ATP2C1: variants seen among roughly 807,000 people sequenced by gnomAD.
ATP2C1 encodes the protein calcium-transporting ATPase type 2C member 1.
ATP2C1 carries 31 observed loss-of-function variants against 120.5 expected under a neutral mutation model. That is an observed-to-expected ratio of 0.26 (90% CI 0.19 to 0.35). ATP2C1 has a LOEUF of 0.35. Among genes scored for constraint, ATP2C1 ranks in the 10% least tolerant of loss-of-function variants. The probability of loss-of-function intolerance (pLI) is 1.00; values close to 1 mark genes in which losing one functional copy is unlikely to be tolerated. For synonymous variants in ATP2C1, 351 were observed against 358.7 expected (o/e 0.98, Z 0.24); for missense variants, 731 against 1,107.5 (o/e 0.66, Z 4.83).
chr3:131,014,178 C>G (rs1238099640), intron 26 of ATP2C1: 4 of 1,613,612 alleles, frequency 2.5e-6, no homozygotes, highest in Non-Finnish European at 3.4e-6. Context: ...GTTCTTAGAA[C>G]AGCTGGTATT....
chr3:130,925,031 T>C (rs542642921), intron 2 of ATP2C1, among the ~76,000 whole-genome samples: 1 of 152,214 alleles, frequency 6.6e-6, no homozygotes, highest in African/African-American at 2.4e-5. Context: ...TGGTGCCTCC[T>C]TTGATTAGCT....
intron 16 of ATP2C1, among the ~76,000 whole-genome samples, chr3:130,967,881 T>C (rs1374382270): frequency 2.6e-5 from 4 of 152,220 alleles, no homozygotes; most frequent in Non-Finnish European, 5.9e-5. Flanking sequence ...ATTGTGAAGT[T>C]ATAATTTGTT....
chr3:130,865,033 C>T (rs535411251), intron 1 of ATP2C1, among the ~76,000 whole-genome samples: 21 of 152,172 alleles, frequency 1.4e-4, no homozygotes, highest in Middle Eastern at 3.4e-3. Context: ...CTAGAAAAGC[C>T]GCAGACACTC....
At chr3:130,986,979 G>A (rs1221448472) in intron 20 of ATP2C1, among the ~76,000 whole-genome samples, 3 of 151,386 alleles carry the variant, frequency 2.0e-5, no homozygotes, top group African/African-American at 7.3e-5. Context: ...TTGCTTTATT[G>A]CCCAGACTGG....
intron 2 of ATP2C1, among the ~76,000 whole-genome samples, chr3:130,926,015 C>T (rs1037716957): frequency 5.3e-5 from 8 of 152,136 alleles, no homozygotes; most frequent in African/African-American, 1.2e-4. Flanking sequence ...TCCAGGTAGC[C>T]GGTTACCAGG....
Position 130,953,847 on chromosome 3 carries a change from C to T in ATP2C1, c.558C>T (p.Ser186=), listed in dbSNP as rs1474711754. The T allele has an allele frequency of 1.9e-6, 3 of 1,613,816 alleles. No homozygotes were observed. The highest frequency in any genetic ancestry group is 1.1e-5 in the South Asian group (1 of 91,082). ...FEAVDLSIDE[S]SLTGETTPCS... is the part of the protein sequence containing the mutation. ...CTGTGGATCTTTCCATTGATGAGTC[C>T]AGCTTGACAGGTGAGACAACGCCTT... is the stretch of plus-strand genomic sequence containing the variant. Residue 186 remains serine (S), a synonymous_variant, in exon 9 of 28, where the codon TCC becomes TCT. Transcript: ENST00000510168.
intron 2 of ATP2C1, among the ~76,000 whole-genome samples, chr3:130,920,699 C>G (rs1268427717): frequency 6.6e-6 from 1 of 151,980 alleles, no homozygotes; most frequent in Non-Finnish European, 1.5e-5. Context: ...AATCGTTTTT[C>G]CATTTCTATA....
At chr3:130,983,954 A>C (rs1304141871) in intron 20 of ATP2C1, among the ~76,000 whole-genome samples, 1 of 152,214 alleles carries the variant, frequency 6.6e-6, no homozygotes, top group Non-Finnish European at 1.5e-5. Context: ...AATTATATAT[A>C]AAGCTGCTCT....
At chr3:131,016,391 T>A in exon 27 of ATP2C1, 1 of 1,588,978 alleles carries the variant, frequency 6.3e-7, no homozygotes, top group East Asian at 2.2e-5. Context: ...CTGTAACAGC[T>A]TTTCATTTTC....
intron 3 of ATP2C1, 60 bp downstream of exon 3, chr3:130,930,586 TAA>T (rs757497763): frequency 2.7e-5 from 28 of 1,052,364 alleles, no homozygotes; most frequent in South Asian, 2.0e-4. Context: ...TTAGACTCTA[TAA>T]AACAGTGCTG....
downstream of ATP2C1, among the ~76,000 whole-genome samples, chr3:131,007,001 TAA>T (rs2063143089): frequency 6.6e-6 from 1 of 152,170 alleles, no homozygotes; most frequent in South Asian, 2.1e-4. Context: ...AATGTAGCAA[TAA>T]GTTTGCATAT....
intron 22 of ATP2C1, among the ~76,000 whole-genome samples, 176 bp downstream of exon 22, chr3:130,994,274 G>A (rs2062495247): frequency 6.6e-6 from 1 of 152,168 alleles, no homozygotes; most frequent in Non-Finnish European, 1.5e-5. Flanking sequence ...TGTGTGGCTG[G>A]AACAGGCATA....
At chr3:130,997,874 TATA>T in intron 25 of ATP2C1, 121 bp downstream of exon 25, 1 of 971,282 alleles carries the variant, frequency 1.0e-6, no homozygotes, top group Admixed American at 2.1e-5. Flanking sequence ...TAGTGAAAAA[TATA>T]AGAACATTTT....
At chr3:130,917,021 A>G (rs888392419) in intron 2 of ATP2C1, among the ~76,000 whole-genome samples, 2 of 152,204 alleles carry the variant, frequency 1.3e-5, no homozygotes, top group African/African-American at 4.8e-5. Flanking sequence ...GGATTTTTCA[A>G]CTTCACGATG....
intron 1 of ATP2C1, among the ~76,000 whole-genome samples, chr3:130,854,702 C>A (rs1200104707): frequency 2.0e-5 from 3 of 152,158 alleles, no homozygotes; most frequent in Non-Finnish European, 4.4e-5. Context: ...GGGGCCAGCA[C>A]CCCTGGGCTA....
chr3:130,864,743 G>A (rs1291120701), intron 1 of ATP2C1, among the ~76,000 whole-genome samples: 1 of 152,254 alleles, frequency 6.6e-6, no homozygotes, highest in Admixed American at 6.5e-5. Context: ...TCCACGTGTT[G>A]TTGAGCCTGT....
At chr3:130,860,416 C>G (rs1452644627) in intron 1 of ATP2C1, among the ~76,000 whole-genome samples, 1 of 152,176 alleles carries the variant, frequency 6.6e-6, no homozygotes, top group Non-Finnish European at 1.5e-5. Context: ...ATTAGTAAGG[C>G]TATTTCAGGA....
At chr3:130,934,900 C>T (rs907724313) in intron 5 of ATP2C1, among the ~76,000 whole-genome samples, 189 bp downstream of exon 5, 28 of 152,080 alleles carry the variant, frequency 1.8e-4, no homozygotes, top group Non-Finnish European at 3.5e-4. Context: ...GTGGTATAGT[C>T]ATGACTCACT....
chr3:130,957,340 T>C (rs563306372), intron 11 of ATP2C1, among the ~76,000 whole-genome samples: 2 of 152,300 alleles, frequency 1.3e-5, no homozygotes, highest in African/African-American at 4.8e-5. Context: ...TATTTAAAAT[T>C]TATTTTAGTA....
Sources: allele counts gnomAD v4.1 joint callset (sites outside exome capture counted in the v4.1 genomes callset), GRCh38; gene constraint gnomAD v4.1.1; transcripts MANE v1.5; gene names NCBI Gene and HGNC (gene_info 2026-07-23, HGNC 2026-07-21).